The following CARS2 variants were observed in gnomAD, a reference collection of about 807,000 sequenced individuals.
CARS2 encodes the protein probable cysteine--tRNA ligase, mitochondrial.
CARS2 carries 52 observed loss-of-function variants against 68.8 expected under a neutral mutation model. The observed-to-expected ratio is 0.76, with a 90% CI of 0.61 to 0.95. The LOEUF is 0.95. Ranked by LOEUF, CARS2 falls within the 40% of genes least tolerant of loss-of-function variation. CARS2 has a pLI of 0.00. For synonymous variants in CARS2, 314 were observed against 303.6 expected (o/e 1.03, Z -0.36); for missense variants, 780 against 754.2 (o/e 1.03, Z -0.40).
In CARS2 at chr13:110,653,482, C is replaced by T. The variant is rs980716150; in HGVS notation, c.988-2382G>A. Among the ~76,000 whole-genome samples the T allele has an allele frequency of 2.6e-5, 4 of 152,290 alleles. No homozygotes were observed. The highest frequency in any genetic ancestry group is 6.5e-5 in the Admixed American group (1 of 15,292). On this transcript the variant is annotated intron_variant, in intron 9 of 14. Transcript: ENST00000257347. This position sits in a 1 kb window ranked among gnomAD's most constrained non-coding sequence, Gnocchi z 5.6. Reference sequence around the variant, plus strand: ...GCGCCCTATTTAGGTCTCCGGGTTTCGGTGTGGAAACACCACTCCACAAGC... The same window carrying T: ...GCGCCCTATTTAGGTCTCCGGGTTTTGGTGTGGAAACACCACTCCACAAGC...
rs1169582774 is a variant in CARS2, at chr13:110,701,519, T to C, written c.312A>G (p.Leu104=). 6.3e-7 allele frequency: 1 copy of C among 1,586,818 alleles called. No individual in the cohort carries two copies. Among genetic ancestry groups the C allele is most frequent in the African/African-American group, 1.3e-5 (1 of 74,536 alleles). The change falls in exon 3 of 15, where the codon CTA becomes CTG. Residue 104 remains leucine (L), a synonymous_variant. Coordinates refer to ENST00000257347, the MANE Select transcript of CARS2 (RefSeq NM_024537.4). ...YVRFDIIRRI[L]TKVFGCSIVM... is the part of the protein sequence containing the mutation. Reference sequence around the variant, plus strand: ...CTATGCTGCATCCAAAAACCTTGGTTAGGATCCTTCGAATGATATCAAATC... The same window carrying C: ...CTATGCTGCATCCAAAAACCTTGGTCAGGATCCTTCGAATGATATCAAATC...
At chr13:110,666,046 T>A in intron 8 of CARS2, 1 of 985,228 alleles carries the variant, frequency 1.0e-6, no homozygotes, top group Non-Finnish European at 1.2e-6. Context: ...CTATCTGGGC[T>A]CCCAGCACGC....
chr13:110,702,224 C>T (rs2063806733), intron 2 of CARS2, among the ~76,000 whole-genome samples: 1 of 152,198 alleles, frequency 6.6e-6, no homozygotes, highest in African/African-American at 2.4e-5. Flanking sequence ...ATTGTTTTCT[C>T]TTAGGGTGGT....
chr13:110,673,724 C>A (rs1051803445), intron 7 of CARS2, among the ~76,000 whole-genome samples: 10 of 152,072 alleles, frequency 6.6e-5, no homozygotes, highest in African/African-American at 2.4e-4. Context: ...GGCAATCAGG[C>A]AGGAGAAAGA....
At chr13:110,690,180 A>G (rs992270905) in intron 3 of CARS2, among the ~76,000 whole-genome samples, 1 of 152,194 alleles carries the variant, frequency 6.6e-6, no homozygotes, top group African/African-American at 2.4e-5. Context: ...GTGAGCCAAC[A>G]CTGCCCTACT....
intron 9 of CARS2, among the ~76,000 whole-genome samples, chr13:110,655,854 C>T (rs189052610): frequency 1.3e-5 from 2 of 152,190 alleles, no homozygotes; most frequent in African/African-American, 4.8e-5. Context: ...ATTGGCCTAT[C>T]GTGTGTAACG....
At chr13:110,642,279 C>G (rs1043038561) in intron 14 of CARS2, 36 bp downstream of exon 14, 30 of 1,515,700 alleles carry the variant, frequency 2.0e-5, no homozygotes, top group Non-Finnish European at 2.4e-5. Context: ...TACCCGGCTC[C>G]TGGGGTGATG....
In CARS2 at chr13:110,676,150, G is replaced by A. The variant is rs753476246; in HGVS notation, c.785+824C>T. On this transcript the variant is annotated intron_variant, in intron 7 of 14. Transcript: ENST00000257347. The surrounding 1 kb of genome is among the most constrained non-coding windows in gnomAD (Gnocchi z 4.0). ...ACCTGGGCAAGAAGAGTGAACCTCC[G>A]TCTCAAAACAAAAAAACAGGAACAT... Among the ~76,000 whole-genome samples the A allele has an allele frequency of 1.6e-4, 24 of 152,158 alleles. No homozygotes were observed. The highest frequency in any genetic ancestry group is 2.1e-4 in the Non-Finnish European group (14 of 68,026).
intron 3 of CARS2, among the ~76,000 whole-genome samples, chr13:110,689,674 T>C (rs2063401576): frequency 6.6e-6 from 1 of 152,214 alleles, no homozygotes; most frequent in Non-Finnish European, 1.5e-5. Context: ...AGGACAGCTT[T>C]GTAAAAGAAA....
chr13:110,688,538 T>C (rs1031398946), intron 3 of CARS2, among the ~76,000 whole-genome samples: 1 of 152,182 alleles, frequency 6.6e-6, no homozygotes, highest in Admixed American at 6.5e-5. Context: ...ATCACCCTAG[T>C]CCAGTCTGTA....
chr13:110,645,902 C>A, intron 12 of CARS2, 65 bp downstream of exon 12: 1 of 1,559,844 alleles, frequency 6.4e-7, no homozygotes, highest in Non-Finnish European at 8.7e-7. Flanking sequence ...TGAGAAAAAC[C>A]CACCAGAGGA....
intron 3 of CARS2, among the ~76,000 whole-genome samples, chr13:110,695,596 G>A (rs997356212): frequency 1.3e-5 from 2 of 152,184 alleles, no homozygotes; most frequent in East Asian, 3.9e-4. Context: ...ACAGGCTGCA[G>A]GTGGATGAAC....
At chr13:110,674,579 A>C (rs1054389016) in intron 7 of CARS2, among the ~76,000 whole-genome samples, 6 of 152,218 alleles carry the variant, frequency 3.9e-5, no homozygotes, top group Admixed American at 2.0e-4. Context: ...AAAGACTGAA[A>C]TGTTAGACCT....
chr13:110,683,337 T>C (rs537080807), intron 5 of CARS2, among the ~76,000 whole-genome samples: 4 of 152,326 alleles, frequency 2.6e-5, no homozygotes, highest in African/African-American at 9.6e-5. Flanking sequence ...CAGCTCACGA[T>C]AGCCTTGAAC....
At chr13:110,655,439 C>T (rs567138333) in intron 9 of CARS2, among the ~76,000 whole-genome samples, 1 of 152,282 alleles carries the variant, frequency 6.6e-6, no homozygotes, top group Non-Finnish European at 1.5e-5. Context: ...ACTACACAGC[C>T]ATTCGAGAGA....
At chr13:110,644,585 A>G in intron 12 of CARS2, 102 bp from the exon 13 acceptor site, 5 of 1,535,736 alleles carry the variant, frequency 3.3e-6, no homozygotes, top group Non-Finnish European at 4.4e-6. Context: ...AGGTCACTTC[A>G]GTCTGGCCTT....
In CARS2 at chr13:110,642,531, G is replaced by A. The variant is rs761277278; in HGVS notation, c.1417-10C>T. On this transcript the variant is annotated splice_polypyrimidine_tract_variant and intron_variant, in intron 13 of 14. Coordinates refer to ENST00000257347, the MANE Select transcript of CARS2 (RefSeq NM_024537.4). ...CGTCTCCTGAAACGTACTGAAGCCA[G>A]CAGGGCGCGGTTACGTCCCCCGGAG... 2 of 1,608,534 alleles carry A rather than the reference G, an allele frequency of 1.2e-6. No homozygotes were observed. Among genetic ancestry groups the A allele is most frequent in the South Asian group, 1.1e-5 (1 of 90,068 alleles).
intron 7 of CARS2, among the ~76,000 whole-genome samples, chr13:110,675,525 A>G (rs996876979): frequency 6.6e-6 from 1 of 152,076 alleles, no homozygotes; most frequent in Non-Finnish European, 1.5e-5. Context: ...ACTTGGACAC[A>G]GGGTGGGGAA....
At chr13:110,690,084 T>A (rs1016599930) in intron 3 of CARS2, among the ~76,000 whole-genome samples, 2 of 152,008 alleles carry the variant, frequency 1.3e-5, no homozygotes, top group African/African-American at 4.8e-5. Flanking sequence ...AAAAATCAGC[T>A]GAGCGTGGTG....
Sources: allele counts gnomAD v4.1 joint callset (sites outside exome capture counted in the v4.1 genomes callset), GRCh38; gene constraint gnomAD v4.1.1; non-coding constraint Gnocchi (gnomAD v3.1); transcripts MANE v1.5; gene names NCBI Gene and HGNC (gene_info 2026-07-23, HGNC 2026-07-21).